RBFOX1: variants seen among roughly 807,000 people sequenced by gnomAD.
RBFOX1 encodes RNA binding protein fox-1 homolog 1.
A neutral mutation model predicts 57.7 loss-of-function variants in RBFOX1; 8 were observed. The observed-to-expected ratio is 0.14, with a 90% CI of 0.08 to 0.25. The LOEUF is 0.25. Among genes scored for constraint, RBFOX1 ranks in the 10% least tolerant of loss-of-function variants. The probability of loss-of-function intolerance (pLI) is 1.00; values close to 1 mark genes in which losing one functional copy is unlikely to be tolerated. For missense variants in RBFOX1, 611 were observed against 548.5 expected (o/e 1.11, Z -1.14); for synonymous variants, 326 against 222.4 (o/e 1.47, Z -4.15).
At chr16:5,426,725 G>A (rs1412638212) in intron 1 of RBFOX1, among the ~76,000 whole-genome samples, 4 of 152,218 alleles carry the variant, frequency 2.6e-5, no homozygotes, top group Non-Finnish European at 4.4e-5. Flanking sequence ...CTCCAGGGAA[G>A]AGGGCAGAGA....
chr16:6,055,114 T>C (rs2095599041), intron 1 of RBFOX1, among the ~76,000 whole-genome samples: 1 of 152,218 alleles, frequency 6.6e-6, no homozygotes, highest in African/African-American at 2.4e-5. Flanking sequence ...TGTGGCATCT[T>C]TTTTGGGATG....
intron 4 of RBFOX1, among the ~76,000 whole-genome samples, chr16:7,442,519 G>A (rs556626920): frequency 6.6e-6 from 1 of 152,096 alleles, no homozygotes; most frequent in Non-Finnish European, 1.5e-5. Context: ...AAATGAGGAG[G>A]CCGCAAACTG....
At chr16:7,244,292 A>C (rs1222586508) in intron 4 of RBFOX1, among the ~76,000 whole-genome samples, 2 of 150,534 alleles carry the variant, frequency 1.3e-5, no homozygotes, top group East Asian at 3.9e-4. Flanking sequence ...CTTTTCATTA[A>C]CTACACTTCA....
chr16:5,366,269 C>T (rs186601819), intron 1 of RBFOX1: 44 of 384,410 alleles, frequency 1.1e-4, no homozygotes, highest in Admixed American at 4.6e-4. Context: ...AACTTGCTGC[C>T]GATGAAGATG....
At chr16:6,220,060 A>C (rs1380548391) in intron 1 of RBFOX1, among the ~76,000 whole-genome samples, 3 of 149,564 alleles carry the variant, frequency 2.0e-5, no homozygotes, top group African/African-American at 7.6e-5. Context: ...TTCTATATGA[A>C]TATATAAATG....
intron 3 of RBFOX1, among the ~76,000 whole-genome samples, chr16:6,706,983 G>C (rs960002726): frequency 1.3e-5 from 2 of 152,042 alleles, no homozygotes; most frequent in African/African-American, 4.8e-5. Flanking sequence ...TATTTTTACT[G>C]ACAAATGTGG....
intron 2 of RBFOX1, among the ~76,000 whole-genome samples, chr16:6,393,912 G>A (rs1005845341): frequency 8.5e-5 from 13 of 152,170 alleles, no homozygotes; most frequent in Non-Finnish European, 1.6e-4. Flanking sequence ...TGGGAATTAT[G>A]ATCTCTCTCT....
At chr16:5,933,077 G>C (rs912897992) in intron 4 of RBFOX1, among the ~76,000 whole-genome samples, 1 of 152,222 alleles carries the variant, frequency 6.6e-6, no homozygotes, top group African/African-American at 2.4e-5. Flanking sequence ...CAGACAAACA[G>C]CTCTGGAAAC....
intron 4 of RBFOX1, among the ~76,000 whole-genome samples, chr16:5,995,405 C>T (rs995914742): frequency 6.6e-6 from 1 of 152,006 alleles, no homozygotes; most frequent in Non-Finnish European, 1.5e-5. Flanking sequence ...ATTTTAGAGT[C>T]CTACCAGAAG....
chr16:7,506,288 C>T (rs1244397136), intron 4 of RBFOX1, among the ~76,000 whole-genome samples: 1 of 147,550 alleles, frequency 6.8e-6, no homozygotes, highest in African/African-American at 2.5e-5. Flanking sequence ...GATCTGAATT[C>T]ATCTCCAAGT....
intron 1 of RBFOX1, among the ~76,000 whole-genome samples, chr16:5,244,119 A>G (rs1431412491): frequency 1.3e-5 from 2 of 151,616 alleles, no homozygotes; most frequent in African/African-American, 2.4e-5. Flanking sequence ...CTGGTCTCAA[A>G]CTCCTGACCT....
chr16:6,653,015 C>T (rs569938490), intron 2 of RBFOX1, among the ~76,000 whole-genome samples: 64 of 152,230 alleles, frequency 4.2e-4, no homozygotes, highest in African/African-American at 1.5e-3. Flanking sequence ...TCCTCTCTTA[C>T]TTCCCTCTAA....
intron 1 of RBFOX1, among the ~76,000 whole-genome samples, chr16:6,056,108 A>T (rs1456909199): frequency 6.6e-6 from 1 of 152,176 alleles, no homozygotes; most frequent in Non-Finnish European, 1.5e-5. Flanking sequence ...TGATGCCAGT[A>T]TAAACGGCGG....
chr16:7,681,151 G>C (rs1191412799), intron 14 of RBFOX1, among the ~76,000 whole-genome samples: 1 of 152,154 alleles, frequency 6.6e-6, no homozygotes, highest in South Asian at 2.1e-4. Context: ...AGAGGATTTA[G>C]TCTTATTTTA....
chr16:7,321,071 C>G lies in RBFOX1; in HGVS notation c.28-197076C>G, dbSNP rs1280365987. On this transcript the variant is annotated intron_variant, in intron 4 of 15. Transcript: ENST00000550418. Reference sequence around the variant, plus strand: ...AGAAATTATCTATCTATCTGTCTATCTATACGTATACATATACATATACAT... The same window carrying G: ...AGAAATTATCTATCTATCTGTCTATGTATACGTATACATATACATATACAT... Among the ~76,000 whole-genome samples the G allele has an allele frequency of 7.1e-3, 520 of 72,918 alleles. 4 individuals carry two copies. Among genetic ancestry groups the G allele is most frequent in the Non-Finnish European group, 6.3e-3 (168 of 26,818 alleles). The allele number at this position is 72,918 out of a possible 152,430, so 47.8% of individuals were successfully genotyped here.
At chr16:6,612,888 T>C (rs1040252413) in intron 2 of RBFOX1, among the ~76,000 whole-genome samples, 3 of 150,680 alleles carry the variant, frequency 2.0e-5, no homozygotes, top group African/African-American at 7.3e-5. Flanking sequence ...TATTTGTTTG[T>C]TCCAGAGGGC....
chr16:6,564,737 A>G (rs2097234565), intron 2 of RBFOX1, among the ~76,000 whole-genome samples: 1 of 152,190 alleles, frequency 6.6e-6, no homozygotes, highest in African/African-American at 2.4e-5. Context: ...GTGGGTGGTG[A>G]TGGATGTGTT....
chr16:5,714,877 A>G (rs2051630341), intron 3 of RBFOX1, among the ~76,000 whole-genome samples: 1 of 152,148 alleles, frequency 6.6e-6, no homozygotes, highest in African/African-American at 2.4e-5. Flanking sequence ...TAGCTAGTAG[A>G]CATCTCAGTG....
intron 3 of RBFOX1, among the ~76,000 whole-genome samples, chr16:5,707,790 T>C (rs2051308317): frequency 6.6e-6 from 1 of 152,222 alleles, no homozygotes; most frequent in African/African-American, 2.4e-5. Flanking sequence ...CATGGTGGAA[T>C]ACTTGCTGCT....
Sources: gnomAD v4.1 joint callset for allele counts (sites outside exome capture counted in the v4.1 genomes callset) on GRCh38, gnomAD v4.1.1 for gene constraint, MANE v1.5 for transcripts, NCBI Gene and HGNC (gene_info 2026-07-23, HGNC 2026-07-21) for gene names.